Variants in RASGEF1A observed in about 807,000 individuals in gnomAD.
RASGEF1A encodes RasGEF domain family member 1A.
In RASGEF1A, 18 loss-of-function variants were observed where a neutral mutation model predicts 56.4. That is an observed-to-expected ratio of 0.32 (90% CI 0.22 to 0.47). The LOEUF (loss-of-function observed/expected upper bound fraction) is 0.47, where lower values mean the gene tolerates loss of function less well. RASGEF1A is among the 20% of genes least tolerant of loss of function. RASGEF1A has a pLI of 1.00. For synonymous variants in RASGEF1A, 245 were observed against 242.6 expected, an observed-to-expected ratio of 1.01 and a Z score of -0.09; for missense variants, 422 against 627.1, an observed-to-expected ratio of 0.67 and a Z score of 3.49.
At chr10:43,207,543 A>G (rs1840014368) in intron 1 of RASGEF1A, 9 of 985,382 alleles carry the variant, frequency 9.1e-6, no homozygotes, top group Non-Finnish European at 9.6e-6. Flanking sequence ...GAATTCTTAG[A>G]AAGTCTTTGG....
intron 1 of RASGEF1A, among the ~76,000 whole-genome samples, chr10:43,259,764 G>T (rs560892908): frequency 6.6e-6 from 1 of 152,138 alleles, no homozygotes; most frequent in African/African-American, 2.4e-5. Context: ...GGAGGGGGGC[G>T]TCCTCACCTC....
chr10:43,205,991 A>G lies in RASGEF1A; in HGVS notation c.126T>C (p.Asp42=), dbSNP rs774912639. Residue 42 remains aspartate (D), a synonymous_variant, in exon 2 of 13, where the codon GAT becomes GAC. Coordinates refer to ENST00000395810, the MANE Select transcript of RASGEF1A (RefSeq NM_145313.4). ...CCAGGGACCCAGAGATGAGGTGTCC[A>G]TCTTGGAAGATGAGGTCCCCGGAGC... ...GGGSGDLIFQ[D]GHLISGSLEA... 10 of 1,613,002 alleles carry G rather than the reference A, an allele frequency of 6.2e-6. No individual in the cohort carries two copies. Among genetic ancestry groups the G allele is most frequent in the Non-Finnish European group, 8.5e-6 (10 of 1,179,956 alleles).
rs879050843 is a variant in RASGEF1A at position 43,199,531 on chromosome 10, G to A, written c.849+145C>T. 43 of 687,148 alleles carry A rather than the reference G, an allele frequency of 6.3e-5. No homozygotes were observed. In the South Asian group the frequency reaches 7.3e-4, roughly 12 times the overall value. The allele number at this position is 687,148 out of a possible 1,614,324, so 42.6% of individuals were successfully genotyped here. On this transcript the variant is annotated intron_variant, in intron 7 of 12. Coordinates refer to ENST00000395810, the MANE Select transcript of RASGEF1A (RefSeq NM_145313.4). ...GAAGGAATCGCTGTATGTCGGGGTTGGGGGACCACCAAGGCCCTGACAATG... is the reference window on the plus strand; with the variant it reads ...GAAGGAATCGCTGTATGTCGGGGTTAGGGGACCACCAAGGCCCTGACAATG...
chr10:43,205,924 G>C lies in RASGEF1A; in HGVS notation c.193C>G (p.Pro65Ala). The C allele has an allele frequency of 6.2e-7, 1 of 1,612,068 alleles. No homozygotes were observed. Among genetic ancestry groups the C allele is most frequent in the Non-Finnish European group, 8.5e-7 (1 of 1,178,876 alleles). ...EHLVPTVDYYPDRTYIFTFLL... is the reference protein window; with the variant it reads ...EHLVPTVDYYADRTYIFTFLL... ...ACAAGGCCCCACGTACTCACATCGG[G>C]GTAATAGTCCACCGTGGGAACAAGG... Residue 65 changes from proline to alanine, a missense_variant, in exon 2 of 13, where the codon CCC (proline) becomes GCC (alanine). By Grantham distance (27) the Pro-to-Ala change is conservative (BLOSUM62 -1). Around this residue, in one of 2 missense-constraint regions of RASGEF1A, gnomAD observed 273 missense variants for 339.9 expected, o/e 0.80. Transcript: ENST00000395810.
chr10:43,246,766 G>A (rs890766406), intron 1 of RASGEF1A, among the ~76,000 whole-genome samples: 1 of 152,198 alleles, frequency 6.6e-6, no homozygotes, highest in Admixed American at 6.5e-5. Flanking sequence ...ATATAAAAAT[G>A]AATTCCAATG....
chr10:43,261,817 G>A (rs1836533244), intron 1 of RASGEF1A, among the ~76,000 whole-genome samples: 1 of 152,226 alleles, frequency 6.6e-6, no homozygotes, highest in Non-Finnish European at 1.5e-5. Context: ...CCTGGGAGAA[G>A]CAGGGCTCAC....
chr10:43,239,138 C>T (rs544485597), intron 1 of RASGEF1A, among the ~76,000 whole-genome samples: 1 of 152,322 alleles, frequency 6.6e-6, no homozygotes, highest in East Asian at 1.9e-4. Context: ...GGGTATTCCA[C>T]TGGGTAGGTG....
In RASGEF1A at chr10:43,196,983, G is replaced by T; in HGVS notation, c.1341C>A (p.Ser447Arg). ...TTGGGAGGCAGCCCTCACCTTCCTC[G>T]CTGTAGATGGGCGCCGTGAGCAGGT... The part of the protein sequence containing the change: ...QSYLLTAPIY[S>R]EEALFVASFE... Residue 447 changes from serine to arginine, a missense_variant, in exon 11 of 13, where the codon AGC becomes AGA. By Grantham distance (110) the Ser-to-Arg change is moderately radical. Transcript: ENST00000395810. The surrounding 1 kb of genome is among the most constrained non-coding windows in gnomAD (Gnocchi z 4.6). The T allele has an allele frequency of 6.2e-7, 1 of 1,613,452 alleles. No individual in the cohort carries two copies. The highest frequency in any genetic ancestry group is 8.5e-7 in the Non-Finnish European group (1 of 1,179,972).
At chr10:43,224,245 C>T (rs932644368) in intron 1 of RASGEF1A, among the ~76,000 whole-genome samples, 1 of 152,116 alleles carries the variant, frequency 6.6e-6, no homozygotes, top group Non-Finnish European at 1.5e-5. Flanking sequence ...AAAAGCCTTC[C>T]TATTCATTTT....
intron 1 of RASGEF1A, among the ~76,000 whole-genome samples, chr10:43,249,887 G>C (rs1045990027): frequency 6.6e-6 from 1 of 152,236 alleles, no homozygotes; most frequent in Middle Eastern, 3.2e-3. Context: ...GCCTAATCAG[G>C]GAAGGTGCTC....
At chr10:43,263,715 G>A (rs1281516082) in intron 1 of RASGEF1A, among the ~76,000 whole-genome samples, 1 of 152,296 alleles carries the variant, frequency 6.6e-6, no homozygotes, top group Non-Finnish European at 1.5e-5. Flanking sequence ...GGCAGGGCGG[G>A]CAACCACAGG....
intron 1 of RASGEF1A, among the ~76,000 whole-genome samples, chr10:43,215,250 G>A (rs1227115760): frequency 6.6e-6 from 1 of 152,194 alleles, no homozygotes; most frequent in Non-Finnish European, 1.5e-5. Flanking sequence ...GGAGGGGTTC[G>A]AGCCAGCCCC....
At chr10:43,234,585 G>A (rs1053115624) in intron 1 of RASGEF1A, among the ~76,000 whole-genome samples, 2 of 152,178 alleles carry the variant, frequency 1.3e-5, no homozygotes, top group Non-Finnish European at 2.9e-5. Context: ...AGCCCACAAG[G>A]CCTTGGGTTC....
At chr10:43,231,615 G>A (rs752039674) in intron 1 of RASGEF1A, among the ~76,000 whole-genome samples, 4 of 152,272 alleles carry the variant, frequency 2.6e-5, no homozygotes, top group Non-Finnish European at 4.4e-5. Flanking sequence ...TAAGGCAGAC[G>A]CTTCCCCGGG....
At chr10:43,257,989 A>G (rs938072180) in intron 1 of RASGEF1A, among the ~76,000 whole-genome samples, 6 of 152,196 alleles carry the variant, frequency 3.9e-5, no homozygotes, top group Non-Finnish European at 8.8e-5. Flanking sequence ...GAGGGCCTCC[A>G]GTGTTACATT....
chr10:43,235,626 G>A (rs1295442916), intron 1 of RASGEF1A, among the ~76,000 whole-genome samples: 1 of 152,242 alleles, frequency 6.6e-6, no homozygotes, highest in African/African-American at 2.4e-5. Flanking sequence ...CCATTGGTGT[G>A]TGGGACTCAG....
At chr10:43,234,634 C>T (rs1341551812) in intron 1 of RASGEF1A, among the ~76,000 whole-genome samples, 1 of 152,234 alleles carries the variant, frequency 6.6e-6, no homozygotes, top group Non-Finnish European at 1.5e-5. Context: ...CCTGGCCCCC[C>T]ACCCTGCCCT....
intron 1 of RASGEF1A, among the ~76,000 whole-genome samples, chr10:43,261,132 T>C (rs775251909): frequency 3.9e-5 from 6 of 152,054 alleles, no homozygotes; most frequent in African/African-American, 7.2e-5. Flanking sequence ...TGGGAAGTGG[T>C]TCTGGCTGCC....
chr10:43,230,518 G>A (rs1840352384), intron 1 of RASGEF1A, among the ~76,000 whole-genome samples: 2 of 152,158 alleles, frequency 1.3e-5, no homozygotes. Flanking sequence ...CCTCTCTGGG[G>A]GTCTGGATTG....
Sources: gnomAD v4.1 joint callset for allele counts (sites outside exome capture counted in the v4.1 genomes callset) on GRCh38, gnomAD v4.1.1 for gene constraint, gnomAD v4.1.1 regional missense constraint, Gnocchi (gnomAD v3.1) non-coding constraint, MANE v1.5 for transcripts, NCBI Gene and HGNC (gene_info 2026-07-23, HGNC 2026-07-21) for gene names.